The following NUMB variants were observed in gnomAD, a reference collection of about 807,000 sequenced individuals.
NUMB encodes the protein protein numb homolog.
A neutral mutation model predicts 59.7 loss-of-function variants in NUMB; 29 were observed. The ratio of observed to expected loss-of-function variants is 0.49; its 90% CI spans 0.36 to 0.66. The LOEUF (loss-of-function observed/expected upper bound fraction) is 0.66, where lower values mean the gene tolerates loss of function less well. Among genes scored for constraint, NUMB ranks in the 30% least tolerant of loss-of-function variants. The pLI is 0.00. For missense variants in NUMB, 723 were observed against 822.0 expected, an observed-to-expected ratio of 0.88 and a Z score of 1.47; for synonymous variants, 288 against 288.2, an observed-to-expected ratio of 1.00 and a Z score of 0.01.
chr14:73,378,198 A>T (rs1895063159), intron 2 of NUMB, among the ~76,000 whole-genome samples: 1 of 152,220 alleles, frequency 6.6e-6, no homozygotes. Context: ...TAAAACAACC[A>T]GATACCATTA....
chr14:73,431,018 G>A (rs1179022971), intron 1 of NUMB, among the ~76,000 whole-genome samples: 1 of 151,984 alleles, frequency 6.6e-6, no homozygotes, highest in African/African-American at 2.4e-5. Flanking sequence ...GAGTACAGTA[G>A]CGCAATCTTG....
intron 8 of NUMB, among the ~76,000 whole-genome samples, chr14:73,290,349 C>T (rs1235587199): frequency 6.6e-6 from 1 of 152,192 alleles, no homozygotes; most frequent in Non-Finnish European, 1.5e-5. Flanking sequence ...AGAACCTATG[C>T]TAAGTGTGCT....
intron 6 of NUMB, among the ~76,000 whole-genome samples, chr14:73,305,633 T>C (rs901443684): frequency 2.0e-5 from 3 of 152,148 alleles, no homozygotes; most frequent in African/African-American, 7.2e-5. Flanking sequence ...TAAAGACACA[T>C]GGAAACATCA....
At chr14:73,333,065 A>C (rs1461315494) in intron 4 of NUMB, among the ~76,000 whole-genome samples, 1 of 152,180 alleles carries the variant, frequency 6.6e-6, no homozygotes, top group Non-Finnish European at 1.5e-5. Context: ...TTTTTCTTGA[A>C]GTACCTGTTT....
chr14:73,454,311 GT>G (rs1393293991), intron 1 of NUMB, among the ~76,000 whole-genome samples: 2 of 152,116 alleles, frequency 1.3e-5, no homozygotes, highest in Non-Finnish European at 2.9e-5. Context: ...CAACAGATGT[GT>G]TTTGGCAAGT....
intron 1 of NUMB, among the ~76,000 whole-genome samples, chr14:73,439,780 A>G (rs1408005689): frequency 6.6e-6 from 1 of 152,206 alleles, no homozygotes; most frequent in Non-Finnish European, 1.5e-5. Flanking sequence ...AGAGAGAAAG[A>G]GAAAGGAACA....
rs561702691 is a variant in NUMB at position 73,383,031 on chromosome 14, A to G, written c.-100-16050T>C. Among the ~76,000 whole-genome samples the G allele has an allele frequency of 7.2e-5, 11 of 152,342 alleles. 1 individual carries two copies. In the South Asian group the frequency reaches 2.3e-3, roughly 32 times the overall value. On this transcript the variant is annotated intron_variant, in intron 2 of 12. Coordinates refer to ENST00000555238, the MANE Select transcript of NUMB (RefSeq NM_001005743.2). ...CGTGGTGGCACACATATGTAATCCC[A>G]GCTACTTGGGAGGCTGAGGCACAAG...
intron 1 of NUMB, among the ~76,000 whole-genome samples, chr14:73,450,898 T>C (rs1351791360): frequency 1.3e-5 from 2 of 151,978 alleles, no homozygotes; most frequent in African/African-American, 2.4e-5. Context: ...ACGCCTGTAA[T>C]CCCAGCACTT....
Position 73,316,438 on chromosome 14 carries a change from G to T in NUMB, c.202-16C>A. ...ACTTCCTTTCCTGGAGGAACAGGGG[G>T]ACAAGTCGAGTGCTATTATTGTATG... On this transcript the variant is annotated splice_polypyrimidine_tract_variant and intron_variant, in intron 5 of 12. Transcript: ENST00000555238. 1 of 1,612,840 alleles carries T rather than the reference G, an allele frequency of 6.2e-7. No homozygotes were observed. Among genetic ancestry groups the T allele is most frequent in the South Asian group, 1.1e-5 (1 of 90,966 alleles).
At chr14:73,354,039 G>A (rs1413108056) in intron 4 of NUMB, among the ~76,000 whole-genome samples, 1 of 152,010 alleles carries the variant, frequency 6.6e-6, no homozygotes, top group African/African-American at 2.4e-5. Flanking sequence ...AAAAGACTGT[G>A]GAAAAATTAG....
At chr14:73,338,243 T>C (rs1406127292) in intron 4 of NUMB, among the ~76,000 whole-genome samples, 4 of 151,946 alleles carry the variant, frequency 2.6e-5, no homozygotes, top group African/African-American at 9.7e-5. Context: ...GCTATGAATG[T>C]GCCATTGCAC....
intron 4 of NUMB, among the ~76,000 whole-genome samples, chr14:73,338,652 A>G (rs992762854): frequency 1.3e-5 from 2 of 152,174 alleles, no homozygotes; most frequent in Non-Finnish European, 2.9e-5. Flanking sequence ...AATCCTTACA[A>G]TGGTCTTTAT....
intron 8 of NUMB, among the ~76,000 whole-genome samples, chr14:73,292,103 A>G (rs921889172): frequency 6.6e-6 from 1 of 152,056 alleles, no homozygotes; most frequent in African/African-American, 2.4e-5. Flanking sequence ...TAATGGCACG[A>G]TGACTCACTG....
rs34052943 is a variant in NUMB, at chr14:73,372,365, TTATA to T, written c.-100-5388_-100-5385del. Among the ~76,000 whole-genome samples the T allele has an allele frequency of 1.6e-4, 20 of 123,202 alleles. No homozygotes were observed. In the South Asian group the frequency reaches 1.7e-3, roughly 11 times the overall value. 80.8% of individuals were successfully genotyped at this position (123,202 alleles called of 152,430 possible). On this transcript the variant is annotated intron_variant, in intron 2 of 12. Transcript: ENST00000555238. ...CTTTTATATATATATATATAACCTT[TTATA>T]TATATATATATAAATGTGTATGTCA...
At chr14:73,377,986 T>A (rs1425507461) in intron 2 of NUMB, among the ~76,000 whole-genome samples, 1 of 119,224 alleles carries the variant, frequency 8.4e-6, no homozygotes, top group Non-Finnish European at 1.7e-5. Context: ...TAGATATATA[T>A]ATACACATAC....
intron 1 of NUMB, among the ~76,000 whole-genome samples, chr14:73,417,626 T>C (rs12881930): frequency 6.6e-6 from 1 of 151,976 alleles, no homozygotes; most frequent in East Asian, 1.9e-4. Flanking sequence ...AAGCATATGG[T>C]GGTTACTCAA....
At chr14:73,422,086 G>T (rs1261307813) in intron 1 of NUMB, among the ~76,000 whole-genome samples, 1 of 151,744 alleles carries the variant, frequency 6.6e-6, no homozygotes, top group African/African-American at 2.4e-5. Flanking sequence ...GGAGGTTGCA[G>T]TGAGCCAAGA....
intron 1 of NUMB, among the ~76,000 whole-genome samples, chr14:73,421,183 TTTG>T (rs1357074538): frequency 6.6e-5 from 10 of 151,660 alleles, no homozygotes; most frequent in South Asian, 2.1e-4. Context: ...GGTGTTTTTG[TTTG>T]TTTGTTTGTT....
intron 1 of NUMB, among the ~76,000 whole-genome samples, chr14:73,437,170 C>T (rs1898095500): frequency 1.3e-5 from 2 of 150,548 alleles, no homozygotes; most frequent in African/African-American, 2.4e-5. Flanking sequence ...CTCAGCCTCC[C>T]GAGTAGCTGG....
Sources: allele counts gnomAD v4.1 joint callset (sites outside exome capture counted in the v4.1 genomes callset), GRCh38; gene constraint gnomAD v4.1.1; transcripts MANE v1.5; gene names NCBI Gene and HGNC (gene_info 2026-07-23, HGNC 2026-07-21).